The following CDH4 variants were observed in gnomAD, a reference collection of about 807,000 sequenced individuals.
CDH4 encodes cadherin-4.
Under a neutral mutation model 86.0 loss-of-function variants are expected in CDH4, and 33 were observed. The ratio of observed to expected loss-of-function variants is 0.38; its 90% confidence interval spans 0.29 to 0.51. CDH4 has a LOEUF of 0.51. CDH4 is among the 20% of genes least tolerant of loss of function. The pLI is 0.86. For synonymous variants in CDH4, 555 were observed against 549.4 expected, an observed-to-expected ratio of 1.01 and a Z score of -0.14; for missense variants, 1,114 against 1,307.4, an observed-to-expected ratio of 0.85 and a Z score of 2.28.
intron 2 of CDH4, among the ~76,000 whole-genome samples, chr20:61,499,991 C>T (rs2085689098): frequency 6.6e-6 from 1 of 152,120 alleles, no homozygotes; most frequent in South Asian, 2.1e-4. Context: ...CTGAGTCATG[C>T]GCTAGGCCAT....
At chr20:61,853,098 C>T (rs1331752672) in intron 6 of CDH4, among the ~76,000 whole-genome samples, 200 bp downstream of exon 6, 1 of 152,210 alleles carries the variant, frequency 6.6e-6, no homozygotes, top group Non-Finnish European at 1.5e-5. Flanking sequence ...TTGCAGACCA[C>T]AGGTGAGAAG....
Position 61,864,313 on chromosome 20 carries a change from T to C in CDH4, c.878-9415T>C, listed in dbSNP as rs532637055. 2.4e-4 allele frequency among the ~76,000 whole-genome samples: 36 copies of C among 152,188 alleles called. 1 individual carries two copies. Among genetic ancestry groups the C allele is most frequent in the Non-Finnish European group, 4.0e-4 (27 of 68,032 alleles). On this transcript the variant is annotated intron_variant, in intron 6 of 15. Transcript: ENST00000614565. ...GTTGCTTCAAGCTCCCCATCTGCGG[T>C]GCTTTGGCACAGCAGCCCAGGAGAC...
chr20:61,785,143 C>T (rs1445164152), intron 4 of CDH4, among the ~76,000 whole-genome samples: 2 of 152,194 alleles, frequency 1.3e-5, no homozygotes, highest in Non-Finnish European at 2.9e-5. Context: ...TTCATCAGGT[C>T]TCTCCTCCGA....
Position 61,480,621 on chromosome 20 carries a change from A to C in CDH4, c.169+225684A>C, listed in dbSNP as rs1384837944. Among the ~76,000 whole-genome samples the C allele has an allele frequency of 6.6e-6, 1 of 152,000 alleles. No homozygotes were observed. Among genetic ancestry groups the C allele is most frequent in the Non-Finnish European group, 1.5e-5 (1 of 67,992 alleles). ...GCTGACACAGGGGAAGGAGGTGTGG[A>C]GGTGTGGGGAGGGCGGGGCTGAGCC... On this transcript the variant is annotated intron_variant, in intron 2 of 15. Transcript: ENST00000614565. This position sits in a 1 kb window ranked among gnomAD's most constrained non-coding sequence, Gnocchi z 5.2.
chr20:61,457,497 G>C (rs1484768203), intron 2 of CDH4, among the ~76,000 whole-genome samples: 1 of 152,242 alleles, frequency 6.6e-6, no homozygotes, highest in Non-Finnish European at 1.5e-5. Context: ...TGGTGATAGT[G>C]ATGGGGGACA....
intron 9 of CDH4, among the ~76,000 whole-genome samples, chr20:61,912,120 C>T (rs984810300): frequency 1.3e-5 from 2 of 152,060 alleles, no homozygotes; most frequent in South Asian, 2.1e-4. Context: ...CTTTTACAGG[C>T]GGTAGGAAAT....
In CDH4 at chr20:61,808,737, A is replaced by G. The variant is rs903452765; in HGVS notation, c.576+35555A>G. On this transcript the variant is annotated intron_variant, in intron 4 of 15. Coordinates refer to ENST00000614565, the MANE Select transcript of CDH4 (RefSeq NM_001794.5). ...TCCCGTCCAACCCGCGTTCCTGCAT[A>G]TTGTCCAGTCCAGGCGCTGGCCAAG... 2.6e-5 allele frequency among the ~76,000 whole-genome samples: 4 copies of G among 152,284 alleles called. No homozygotes were observed. The East Asian group carries it at 7.7e-4, about 29-fold the overall frequency.
Position 61,924,421 on chromosome 20 carries a change from G to A in CDH4, c.1716G>A (p.Glu572=), listed in dbSNP as rs758775453. Residue 572 remains glutamate (E), a synonymous_variant, in exon 11 of 16, where the codon GAG becomes GAA. Coordinates refer to ENST00000614565, the MANE Select transcript of CDH4 (RefSeq NM_001794.5). ...QITTAAVLDR[E]SLYTKNNVYE... is the part of the protein sequence containing the mutation. ...CCACGGCGGCAGTGCTGGACCGTGA[G>A]TCCCTCTACACCAAAAACAACGTCT... is the stretch of plus-strand genomic sequence containing the variant. The A allele has an allele frequency of 5.6e-6, 9 of 1,613,926 alleles. No homozygotes were observed. In the South Asian group the frequency reaches 8.8e-5, roughly 16 times the overall value.
intron 3 of CDH4, among the ~76,000 whole-genome samples, chr20:61,745,387 C>G (rs2088401412): frequency 6.6e-6 from 1 of 152,154 alleles, no homozygotes; most frequent in Non-Finnish European, 1.5e-5. Flanking sequence ...ACTTGTTTCT[C>G]AGATGGAAGC....
At chr20:61,928,046 G>A (rs2055063839) in intron 11 of CDH4, 144 bp from the exon 12 acceptor site, 1 of 726,014 alleles carries the variant, frequency 1.4e-6, no homozygotes, top group East Asian at 2.5e-5. Flanking sequence ...TTGGGAGATG[G>A]CCGGCCGTGT....
Position 61,657,208 on chromosome 20 carries a change from C to T in CDH4, c.170-86355C>T, listed in dbSNP as rs73148348. On this transcript the variant is annotated intron_variant, in intron 2 of 15. Coordinates refer to ENST00000614565, the MANE Select transcript of CDH4 (RefSeq NM_001794.5). Reference sequence around the variant, plus strand: ...ACCCTCCTCTTCAGGAGTCAGATCTCCTTCTCATCCTATCTCATGCAAATC... The same window carrying T: ...ACCCTCCTCTTCAGGAGTCAGATCTTCTTCTCATCCTATCTCATGCAAATC... Among the ~76,000 whole-genome samples the T allele has an allele frequency of 9.7e-3, 1,483 of 152,352 alleles. 10 individuals are homozygous for T. The highest frequency in any genetic ancestry group is 0.017 in the Middle Eastern group (5 of 294).
chr20:61,661,255 C>T (rs969306339), intron 2 of CDH4, among the ~76,000 whole-genome samples: 3 of 152,184 alleles, frequency 2.0e-5, no homozygotes, highest in Admixed American at 1.3e-4. Flanking sequence ...CAGCACCCCC[C>T]AGGCTCTCAC....
At chr20:61,633,367 A>G (rs181770741) in intron 2 of CDH4, among the ~76,000 whole-genome samples, 316 of 151,712 alleles carry the variant, frequency 2.1e-3, no homozygotes, top group African/African-American at 7.2e-3. Flanking sequence ...CCATCTATCC[A>G]TGTATCTATT....
intron 2 of CDH4, among the ~76,000 whole-genome samples, chr20:61,470,828 TATATC>T (rs879372983): frequency 2.6e-5 from 4 of 152,204 alleles, no homozygotes; most frequent in Admixed American, 2.0e-4. Flanking sequence ...ATTCTGTTGA[TATATC>T]AGATTGATTG....
chr20:61,777,288 A>T (rs2088853002), intron 4 of CDH4, among the ~76,000 whole-genome samples: 1 of 152,220 alleles, frequency 6.6e-6, no homozygotes, highest in South Asian at 2.1e-4. Flanking sequence ...ACGTGATCTC[A>T]GTGGTGACTG....
intron 2 of CDH4, among the ~76,000 whole-genome samples, chr20:61,450,659 A>T (rs1361212321): frequency 6.6e-6 from 1 of 151,914 alleles, no homozygotes; most frequent in Non-Finnish European, 1.5e-5. Context: ...CCAAACCGAG[A>T]AGGTGTCTGA....
intron 2 of CDH4, among the ~76,000 whole-genome samples, chr20:61,420,918 G>T (rs1014890197): frequency 2.0e-5 from 3 of 152,218 alleles, no homozygotes; most frequent in South Asian, 2.1e-4. Context: ...TAGGACAGGG[G>T]TGACCCAGGT....
At chr20:61,353,836 G>A (rs927332860) in intron 2 of CDH4, among the ~76,000 whole-genome samples, 5 of 147,036 alleles carry the variant, frequency 3.4e-5, no homozygotes, top group South Asian at 2.2e-4. Context: ...AGAAACATCC[G>A]CAAATGAAAA....
intron 2 of CDH4, among the ~76,000 whole-genome samples, chr20:61,352,067 C>A (rs2084716082): frequency 6.6e-6 from 1 of 152,072 alleles, no homozygotes; most frequent in Non-Finnish European, 1.5e-5. Context: ...AGTACAGTCA[C>A]CCTGTTGTGC....
Sources: allele counts gnomAD v4.1 joint callset (sites outside exome capture counted in the v4.1 genomes callset), GRCh38; gene constraint gnomAD v4.1.1; non-coding constraint Gnocchi (gnomAD v3.1); transcripts MANE v1.5; gene names NCBI Gene and HGNC (gene_info 2026-07-23, HGNC 2026-07-21).